The following SCRG1 variants were observed in gnomAD, a reference collection of about 807,000 sequenced individuals.
SCRG1 encodes scrapie-responsive protein 1.
Under a neutral mutation model 7.7 loss-of-function variants are expected in SCRG1, and 3 were observed. The ratio of observed to expected loss-of-function variants is 0.39; its 90% confidence interval spans 0.18 to 1.01. The LOEUF is 1.01. SCRG1 is among the 50% of genes least tolerant of loss of function. SCRG1 has a pLI of 0.36. For synonymous variants in SCRG1, 46 were observed against 41.2 expected (o/e 1.12, Z -0.44); for missense variants, 110 against 117.2 (o/e 0.94, Z 0.28).
upstream of SCRG1, among the ~76,000 whole-genome samples, chr4:173,402,787 A>C (rs1344850644): frequency 6.6e-6 from 1 of 152,192 alleles, no homozygotes; most frequent in African/African-American, 2.4e-5. Flanking sequence ...CGGCCTTCAC[A>C]GCTCACATCT....
the SCRG1 span, among the ~76,000 whole-genome samples, chr4:173,518,263 C>G: frequency 6.6e-6 from 1 of 152,170 alleles, no homozygotes; most frequent in African/African-American, 2.4e-5. Flanking sequence ...CTTTCTGCCT[C>G]TCTCCCGGCC....
chr4:173,513,108 C>A, the SCRG1 span, among the ~76,000 whole-genome samples: 1 of 152,172 alleles, frequency 6.6e-6, no homozygotes, highest in Non-Finnish European at 1.5e-5. Context: ...TTATATGATG[C>A]AAACAATGTA....
the SCRG1 span, among the ~76,000 whole-genome samples, chr4:173,503,913 C>T: frequency 4.6e-5 from 7 of 152,240 alleles, no homozygotes; most frequent in Non-Finnish European, 8.8e-5. The surrounding 1 kb of genome is among the most constrained non-coding windows in gnomAD (Gnocchi z 6.4). Context: ...AAGCGGGGTG[C>T]GTGGGGATAG....
At chr4:173,453,021 A>G in the SCRG1 span, among the ~76,000 whole-genome samples, 3 of 152,356 alleles carry the variant, frequency 2.0e-5, 1 homozygote, top group South Asian at 4.1e-4. Context: ...TGGGTCACAC[A>G]TAAATGCCTT....
At chr4:173,452,601 C>A in the SCRG1 span, among the ~76,000 whole-genome samples, 2 of 152,202 alleles carry the variant, frequency 1.3e-5, no homozygotes, top group South Asian at 2.1e-4. Flanking sequence ...GGCTCTCAAA[C>A]CCATTTCCTG....
the SCRG1 span, among the ~76,000 whole-genome samples, chr4:173,422,818 T>C: frequency 2.0e-5 from 3 of 152,216 alleles, no homozygotes; most frequent in African/African-American, 7.2e-5. Flanking sequence ...TGGCTTTTCA[T>C]TTTATATTTT....
the SCRG1 span, among the ~76,000 whole-genome samples, chr4:173,449,741 T>G: frequency 6.6e-6 from 1 of 152,252 alleles, no homozygotes; most frequent in Non-Finnish European, 1.5e-5. Flanking sequence ...TATTTCTCAA[T>G]AGCTTCATTC....
the SCRG1 span, among the ~76,000 whole-genome samples, chr4:173,450,587 G>T: frequency 1.3e-5 from 2 of 152,110 alleles, no homozygotes; most frequent in East Asian, 1.9e-4. Flanking sequence ...TTACCTGTGG[G>T]TTCAGGATGG....
At chr4:173,416,336 TCCCAAACGATGCTCC>T in the SCRG1 span, among the ~76,000 whole-genome samples, 275 of 152,282 alleles carry the variant, frequency 1.8e-3, no homozygotes, top group Admixed American at 5.0e-3. Context: ...CATAAGAACC[TCCCAAACGATGCTCC>T]CCGCTGCCAG....
chr4:173,501,096 C>G, the SCRG1 span, among the ~76,000 whole-genome samples: 1 of 152,142 alleles, frequency 6.6e-6, no homozygotes, highest in East Asian at 1.9e-4. The surrounding 1 kb of genome is among the most constrained non-coding windows in gnomAD (Gnocchi z 5.1). Context: ...AGACTGGGGC[C>G]CCTCCAAAGT....
intron 2 of SCRG1, among the ~76,000 whole-genome samples, chr4:173,390,325 A>G (rs528902007): frequency 1.3e-5 from 2 of 152,254 alleles, no homozygotes; most frequent in Non-Finnish European, 2.9e-5. Flanking sequence ...ATAGAAAACA[A>G]TGGTAGATAA....
At chr4:173,443,943 TTGTG>T in the SCRG1 span, among the ~76,000 whole-genome samples, 58,698 of 138,542 alleles carry the variant, frequency 0.42, 13,006 homozygotes, top group Non-Finnish European at 0.53. Flanking sequence ...AGAGCTTGTT[TTGTG>T]TGTGTGTGTG....
chr4:173,430,243 C>T, the SCRG1 span, among the ~76,000 whole-genome samples: 2 of 152,144 alleles, frequency 1.3e-5, no homozygotes, highest in Non-Finnish European at 2.9e-5. Flanking sequence ...AAGGAAAATC[C>T]TGAGGATATT....
the SCRG1 span, among the ~76,000 whole-genome samples, chr4:173,482,652 T>C: frequency 6.6e-6 from 1 of 151,754 alleles, no homozygotes; most frequent in African/African-American, 2.4e-5. Context: ...ACCCTGTCTC[T>C]ACAAAAAATT....
the SCRG1 span, among the ~76,000 whole-genome samples, chr4:173,436,710 C>T: frequency 2.0e-5 from 3 of 152,136 alleles, no homozygotes; most frequent in Non-Finnish European, 2.9e-5. Context: ...AGCATCTGTA[C>T]ACAAATCATT....
chr4:173,488,559 T>A, the SCRG1 span, among the ~76,000 whole-genome samples: 1 of 152,132 alleles, frequency 6.6e-6, no homozygotes, highest in Non-Finnish European at 1.5e-5. Context: ...CTGGGGACAG[T>A]CAAAGTTCAG....
upstream of SCRG1, among the ~76,000 whole-genome samples, chr4:173,401,541 G>T (rs1739762558): frequency 6.6e-6 from 1 of 152,010 alleles, no homozygotes; most frequent in Non-Finnish European, 1.5e-5. Context: ...TTCCCTTATT[G>T]TGTTGCTTAT....
the SCRG1 span, among the ~76,000 whole-genome samples, chr4:173,498,279 A>G: frequency 6.8e-4 from 103 of 152,346 alleles, no homozygotes; most frequent in African/African-American, 2.4e-3. Flanking sequence ...GATACCAAAC[A>G]TTTAAGTTTT....
At chr4:173,502,558 C>T in the SCRG1 span, among the ~76,000 whole-genome samples, 1 of 152,126 alleles carries the variant, frequency 6.6e-6, no homozygotes, top group African/African-American at 2.4e-5. This position sits in a 1 kb window ranked among gnomAD's most constrained non-coding sequence, Gnocchi z 4.6. Context: ...GAGATTTTAC[C>T]AGGTCCCACT....
Sources: gnomAD v4.1 joint callset for allele counts (sites outside exome capture counted in the v4.1 genomes callset) on GRCh38, gnomAD v4.1.1 for gene constraint, Gnocchi (gnomAD v3.1) non-coding constraint, MANE v1.5 for transcripts, NCBI Gene and HGNC (gene_info 2026-07-23, HGNC 2026-07-21) for gene names.